Variants in FOXP2 observed in about 807,000 individuals in gnomAD.
FOXP2 encodes the protein forkhead box P2, also known as forkhead box protein P2.
Under a neutral mutation model 115.8 loss-of-function variants are expected in FOXP2, and 12 were observed. That is an observed-to-expected ratio of 0.10 (90% CI 0.07 to 0.17). The LOEUF is 0.17. Ranked by LOEUF, FOXP2 falls within the 10% of genes least tolerant of loss-of-function variation. The pLI is 1.00. For synonymous variants in FOXP2, 328 were observed against 297.7 expected (o/e 1.10, Z -1.05); for missense variants, 629 against 843.5 (o/e 0.75, Z 3.15).
At chr7:114,214,732 C>T (rs554806404) in intron 1 of FOXP2, among the ~76,000 whole-genome samples, 1 of 152,234 alleles carries the variant, frequency 6.6e-6, no homozygotes, top group Middle Eastern at 3.4e-3. Flanking sequence ...CCATTCTTTT[C>T]CTTCTGCTTA....
chr7:114,316,305 T>C (rs1797274046), intron 2 of FOXP2, among the ~76,000 whole-genome samples: 1 of 152,180 alleles, frequency 6.6e-6, no homozygotes. Flanking sequence ...AAATGTTTTA[T>C]CAAAATATAC....
intron 2 of FOXP2, among the ~76,000 whole-genome samples, chr7:114,451,246 A>C (rs1795060426): frequency 6.6e-6 from 1 of 152,012 alleles, no homozygotes; most frequent in East Asian, 1.9e-4. Flanking sequence ...CTCTTGACAC[A>C]TGTATATTTT....
At chr7:114,265,880 C>T (rs530879933) in intron 1 of FOXP2, among the ~76,000 whole-genome samples, 36 of 152,162 alleles carry the variant, frequency 2.4e-4, no homozygotes, top group African/African-American at 7.7e-4. Context: ...TCCCCTGAGC[C>T]GAGGCTGGAG....
At chr7:114,662,716 C>T (rs1806937389) in intron 14 of FOXP2, among the ~76,000 whole-genome samples, 2 of 152,028 alleles carry the variant, frequency 1.3e-5, no homozygotes, top group African/African-American at 4.8e-5. Context: ...GTTTTCTGTA[C>T]AGTGCTGTTG....
chr7:114,445,606 T>A (rs1366773696), intron 2 of FOXP2, among the ~76,000 whole-genome samples: 1 of 152,162 alleles, frequency 6.6e-6, no homozygotes, highest in African/African-American at 2.4e-5. Context: ...ACTATGTACA[T>A]GGTCTTCTAA....
chr7:114,260,954 C>T (rs945410752), intron 1 of FOXP2, among the ~76,000 whole-genome samples: 2 of 151,996 alleles, frequency 1.3e-5, no homozygotes, highest in African/African-American at 4.8e-5. Context: ...GAGATGGTTT[C>T]GGTTTGGTAC....
intron 2 of FOXP2, among the ~76,000 whole-genome samples, chr7:114,477,214 C>A (rs1296742225): frequency 6.6e-6 from 1 of 151,976 alleles, no homozygotes; most frequent in African/African-American, 2.4e-5. Flanking sequence ...CCCATATGTT[C>A]ATTGTTACGC....
intron 2 of FOXP2, among the ~76,000 whole-genome samples, chr7:114,523,707 A>T (rs960694292): frequency 6.6e-6 from 1 of 152,092 alleles, no homozygotes; most frequent in African/African-American, 2.4e-5. Flanking sequence ...TTGCAAAAAC[A>T]TGTTCACTCA....
chr7:114,244,114 T>C (rs1454171734), intron 1 of FOXP2, among the ~76,000 whole-genome samples: 2 of 152,204 alleles, frequency 1.3e-5, no homozygotes, highest in East Asian at 3.8e-4. Context: ...GTATTCTAAC[T>C]CACCTGGTTA....
chr7:114,579,616 G>C (rs73431518), intron 3 of FOXP2, among the ~76,000 whole-genome samples: 1 of 151,752 alleles, frequency 6.6e-6, no homozygotes, highest in African/African-American at 2.4e-5. Context: ...AACTTCCACC[G>C]GTTATGCAAG....
chr7:114,099,253 C>T (rs1799721121), intron 1 of FOXP2, among the ~76,000 whole-genome samples: 1 of 152,010 alleles, frequency 6.6e-6, no homozygotes, highest in Non-Finnish European at 1.5e-5. Flanking sequence ...AAAGAAATGG[C>T]CAACAGGTAT....
intron 1 of FOXP2, among the ~76,000 whole-genome samples, chr7:114,270,413 G>C (rs1796006732): frequency 6.6e-6 from 1 of 152,102 alleles, no homozygotes; most frequent in Non-Finnish European, 1.5e-5. Context: ...TTTCAAAGTG[G>C]CCATGCAATT....
intron 1 of FOXP2, among the ~76,000 whole-genome samples, chr7:114,267,669 G>A (rs560820073): frequency 6.6e-6 from 1 of 151,132 alleles, no homozygotes; most frequent in Non-Finnish European, 1.5e-5. Context: ...AGAGGTTGCG[G>A]TGAGCCAAGA....
intron 2 of FOXP2, among the ~76,000 whole-genome samples, chr7:114,451,232 T>C (rs1300557239): frequency 6.6e-6 from 1 of 152,030 alleles, no homozygotes; most frequent in Non-Finnish European, 1.5e-5. Context: ...ACTCTTGAAA[T>C]GGCCTCTTGA....
At chr7:114,551,692 T>TA (rs1220201820) in intron 3 of FOXP2, among the ~76,000 whole-genome samples, 2 of 152,032 alleles carry the variant, frequency 1.3e-5, no homozygotes, top group African/African-American at 2.4e-5. Context: ...AGATATTTTT[T>TA]AAAAAAAGAG....
chr7:114,667,606 G>A lies in FOXP2; in HGVS notation c.2003+3170G>A, dbSNP rs371521098. 45 of 152,142 alleles carry A rather than the reference G, an allele frequency of 3.0e-4. 1 individual carries two copies. The highest frequency in any genetic ancestry group is 6.3e-4 in the African/African-American group (26 of 41,502). 9.4% of individuals were successfully genotyped at this position (152,142 alleles called of 1,614,324 possible). ...ATCATATATGTCTTGAAAACATTGA[G>A]TATTAGTTTTGAAAGGAATTTAGAA... On this transcript the variant is annotated intron_variant, in intron 16 of 16. Transcript: ENST00000350908.
At chr7:114,237,913 T>C in intron 1 of FOXP2, among the ~76,000 whole-genome samples, 1 of 152,064 alleles carries the variant, frequency 6.6e-6, no homozygotes. Context: ...AGGCAGAGGT[T>C]ATAGTGAACA....
chr7:114,466,465 C>A (rs1252040878), intron 2 of FOXP2, among the ~76,000 whole-genome samples: 2 of 152,162 alleles, frequency 1.3e-5, no homozygotes, highest in Non-Finnish European at 2.9e-5. Context: ...GACCTTGTGC[C>A]ACCTCAGCTT....
intron 3 of FOXP2, among the ~76,000 whole-genome samples, chr7:114,590,992 T>C (rs527647791): frequency 2.0e-5 from 3 of 152,276 alleles, no homozygotes; most frequent in African/African-American, 7.2e-5. Flanking sequence ...TCTTCCAAAA[T>C]TGTTTACAAT....
Sources: allele counts gnomAD v4.1 joint callset (sites outside exome capture counted in the v4.1 genomes callset), GRCh38; gene constraint gnomAD v4.1.1; transcripts MANE v1.5; gene names NCBI Gene and HGNC (gene_info 2026-07-23, HGNC 2026-07-21).